The following OSBPL8 variants were observed in gnomAD, a reference collection of about 807,000 sequenced individuals.
The protein encoded by OSBPL8 is oxysterol-binding protein-related protein 8.
Under a neutral mutation model 125.5 loss-of-function variants are expected in OSBPL8, and 59 were observed. The observed-to-expected ratio is 0.47, with a 90% CI of 0.38 to 0.58. The LOEUF is 0.58. Ranked by LOEUF, OSBPL8 falls within the 20% of genes least tolerant of loss-of-function variation. The pLI is 0.00. For synonymous variants in OSBPL8, 330 were observed against 338.9 expected (o/e 0.97, Z 0.29); for missense variants, 758 against 1,047.8 (o/e 0.72, Z 3.82).
At chr12:76,395,116 A>G (rs1953737054) in intron 8 of OSBPL8, among the ~76,000 whole-genome samples, 1 of 152,202 alleles carries the variant, frequency 6.6e-6, no homozygotes, top group Non-Finnish European at 1.5e-5. Context: ...TAGAATTATA[A>G]TTTAAAAAAA....
At chr12:76,548,444 T>C (rs2137478235) in intron 1 of OSBPL8, among the ~76,000 whole-genome samples, 1 of 152,268 alleles carries the variant, frequency 6.6e-6, no homozygotes, top group East Asian at 1.9e-4. Context: ...TGAGTATTAC[T>C]TGACTAACTA....
At chr12:76,377,649 T>C (rs1952880822) in intron 16 of OSBPL8, among the ~76,000 whole-genome samples, 2 of 152,116 alleles carry the variant, frequency 1.3e-5, no homozygotes, top group Non-Finnish European at 2.9e-5. Flanking sequence ...GTTCCCAAAA[T>C]AGAGGATAAT....
chr12:76,367,575 TAAG>T (rs550794891), intron 21 of OSBPL8, among the ~76,000 whole-genome samples: 39 of 152,354 alleles, frequency 2.6e-4, no homozygotes, highest in Non-Finnish European at 5.0e-4. Context: ...TAACTACTGA[TAAG>T]AACTTACCTC....
At chr12:76,454,549 A>T (rs911712273) in intron 3 of OSBPL8, among the ~76,000 whole-genome samples, 1 of 151,900 alleles carries the variant, frequency 6.6e-6, no homozygotes, top group African/African-American at 2.4e-5. Context: ...AAAAAAAGTT[A>T]GCTGGGCGTG....
intron 21 of OSBPL8, among the ~76,000 whole-genome samples, chr12:76,359,712 C>T (rs1051354712): frequency 2.0e-5 from 3 of 152,060 alleles, no homozygotes; most frequent in African/African-American, 7.2e-5. Flanking sequence ...ATTGTGGCAG[C>T]AAGAGAGAAT....
chr12:76,502,454 G>C (rs1466901331), intron 1 of OSBPL8, among the ~76,000 whole-genome samples: 1 of 152,130 alleles, frequency 6.6e-6, no homozygotes, highest in South Asian at 2.1e-4. Context: ...GGCAAAGAAG[G>C]GGGTTTACTA....
intron 14 of OSBPL8, among the ~76,000 whole-genome samples, chr12:76,385,328 C>T (rs1482457932): frequency 2.0e-5 from 3 of 152,048 alleles, no homozygotes; most frequent in South Asian, 4.1e-4. Context: ...ATGTCGTATT[C>T]CTCAAGTTTA....
intron 1 of OSBPL8, among the ~76,000 whole-genome samples, chr12:76,530,214 GC>G (rs1285402947): frequency 7.0e-6 from 1 of 143,648 alleles, no homozygotes; most frequent in African/African-American, 2.7e-5. Flanking sequence ...GTGCCACCGG[GC>G]CTGGCTTTTT....
rs1951900690 is a variant in OSBPL8, at chr12:76,353,904, T to C, written c.*1985A>G. On this transcript the variant is annotated 3_prime_UTR_variant, in exon 24 of 24. Coordinates refer to ENST00000261183, the MANE Select transcript of OSBPL8 (RefSeq NM_020841.5). ...CCTATTTAGTCTTAGAAGATACCCA[T>C]ACAAATAAAATATTATTTGGACCAA... 1 of 152,366 alleles carries C rather than the reference T, an allele frequency of 6.6e-6. No homozygotes were observed. The highest frequency in any genetic ancestry group is 1.5e-5 in the Non-Finnish European group (1 of 67,816). The allele number at this position is 152,366 out of a possible 1,614,324, so 9.4% of individuals were successfully genotyped here. A position where few individuals can be genotyped will look rare whatever the true frequency, so the allele number is the denominator to read the frequency against.
intron 1 of OSBPL8, among the ~76,000 whole-genome samples, chr12:76,529,021 A>G (rs896856217): frequency 5.3e-5 from 8 of 152,166 alleles, no homozygotes; most frequent in African/African-American, 1.9e-4. Flanking sequence ...AAAAAGCAGT[A>G]TGAAGTTATT....
intron 12 of OSBPL8, among the ~76,000 whole-genome samples, chr12:76,387,027 G>C (rs1215536880): frequency 1.3e-5 from 2 of 152,284 alleles, no homozygotes; most frequent in East Asian, 3.9e-4. Flanking sequence ...TTCAGGCACT[G>C]TGTGATTTCT....
intron 1 of OSBPL8, among the ~76,000 whole-genome samples, chr12:76,491,743 T>C (rs1400374139): frequency 6.6e-6 from 1 of 152,192 alleles, no homozygotes. Flanking sequence ...AACTCAATTA[T>C]CTAAGTGAAT....
chr12:76,445,410 TAGAA>T (rs776510217), intron 4 of OSBPL8, among the ~76,000 whole-genome samples: 14 of 152,126 alleles, frequency 9.2e-5, no homozygotes, highest in Non-Finnish European at 1.8e-4. Context: ...CATCTGCTCT[TAGAA>T]AGAAAGCATT....
At chr12:76,526,599 A>T (rs1370621804) in intron 1 of OSBPL8, among the ~76,000 whole-genome samples, 1 of 145,094 alleles carries the variant, frequency 6.9e-6, no homozygotes, top group Admixed American at 7.0e-5. Flanking sequence ...TTACACGAGG[A>T]GATACACAAA....
intron 5 of OSBPL8, among the ~76,000 whole-genome samples, chr12:76,404,155 T>C (rs1161207686): frequency 1.3e-5 from 2 of 152,198 alleles, no homozygotes; most frequent in African/African-American, 4.8e-5. Flanking sequence ...CCAATGATGA[T>C]GGCATATATT....
At chr12:76,528,193 T>C (rs1046950871) in intron 1 of OSBPL8, among the ~76,000 whole-genome samples, 1 of 152,056 alleles carries the variant, frequency 6.6e-6, no homozygotes, top group African/African-American at 2.4e-5. Context: ...TGGTGGCACA[T>C]GCCTGTAATC....
chr12:76,377,548 T>C (rs1308445854), intron 16 of OSBPL8, among the ~76,000 whole-genome samples: 1 of 152,234 alleles, frequency 6.6e-6, no homozygotes, highest in Non-Finnish European at 1.5e-5. Flanking sequence ...TTTTTTCATG[T>C]TGGTCACATA....
At chr12:76,458,097 C>A (rs1874277277) in intron 3 of OSBPL8, among the ~76,000 whole-genome samples, 1 of 151,600 alleles carries the variant, frequency 6.6e-6, no homozygotes, top group African/African-American at 2.4e-5. Flanking sequence ...TGTAGGAAAA[C>A]CCTGTGTCTA....
At chr12:76,376,626 T>A (rs1472302520) in intron 16 of OSBPL8, among the ~76,000 whole-genome samples, 1 of 152,194 alleles carries the variant, frequency 6.6e-6, no homozygotes, top group African/African-American at 2.4e-5. Context: ...ATAGAAAATT[T>A]AAAAATATGT....
Sources: allele counts gnomAD v4.1 joint callset (sites outside exome capture counted in the v4.1 genomes callset), GRCh38; gene constraint gnomAD v4.1.1; transcripts MANE v1.5; gene names NCBI Gene and HGNC (gene_info 2026-07-23, HGNC 2026-07-21).